Variants in CELF2 observed in about 807,000 individuals in gnomAD.
CELF2 encodes CUG triplet repeat RNA-binding protein 2.
In CELF2, 8 loss-of-function variants were observed where a neutral mutation model predicts 62.6. That is an observed-to-expected ratio of 0.13 (90% CI 0.07 to 0.23). CELF2 has a LOEUF of 0.23. CELF2 is among the 10% of genes least tolerant of loss of function. CELF2 has a pLI of 1.00. For missense variants in CELF2, 333 were observed against 671.0 expected, an observed-to-expected ratio of 0.50 and a Z score of 5.56; for synonymous variants, 258 against 250.0, an observed-to-expected ratio of 1.03 and a Z score of -0.30.
chr10:11,163,430 G>A (rs2066190076), intron 1 of CELF2, among the ~76,000 whole-genome samples: 1 of 152,174 alleles, frequency 6.6e-6, no homozygotes, highest in South Asian at 2.1e-4. Context: ...TGTACTGCAA[G>A]GGGCTCCACT....
Position 11,185,135 on chromosome 10 carries a change from C to T in CELF2, c.271+19453C>T, listed in dbSNP as rs979695046. ...TCTGAGTCTGTTGAGATGATCATAT[C>T]GGGTTTTTTGTCTGTTTGTAAATAT... On this transcript the variant is annotated intron_variant, in intron 2 of 12. Coordinates refer to ENST00000633077, the MANE Select transcript of CELF2 (RefSeq NM_001326342.2). Among the ~76,000 whole-genome samples, 28 of 151,808 alleles carry T rather than the reference C, an allele frequency of 1.8e-4. 1 individual carries two copies. The highest frequency in any genetic ancestry group is 1.6e-3 in the Admixed American group (25 of 15,240).
chr10:11,188,658 G>A (rs1395393072), intron 2 of CELF2, among the ~76,000 whole-genome samples: 1 of 151,906 alleles, frequency 6.6e-6, no homozygotes, highest in Non-Finnish European at 1.5e-5. Flanking sequence ...TGAGATTTTT[G>A]GACATGTGAG....
At chr10:10,992,509 G>A (rs540976365) in intron 2 of CELF2, among the ~76,000 whole-genome samples, 5 of 152,274 alleles carry the variant, frequency 3.3e-5, no homozygotes, top group East Asian at 3.9e-4. Flanking sequence ...TCATATGATC[G>A]AAGGAGGGCG....
chr10:10,511,594 C>A, the CELF2 span, among the ~76,000 whole-genome samples: 2 of 152,060 alleles, frequency 1.3e-5, no homozygotes, highest in East Asian at 3.9e-4. Flanking sequence ...ACCCTGGGAG[C>A]TTTTGTCTTG....
chr10:11,187,877 T>C (rs1369604678), intron 2 of CELF2, among the ~76,000 whole-genome samples: 2 of 152,228 alleles, frequency 1.3e-5, no homozygotes, highest in Admixed American at 6.5e-5. Flanking sequence ...TTTATAGATA[T>C]TTCCATCATA....
chr10:10,519,647 G>T, the CELF2 span, among the ~76,000 whole-genome samples: 1 of 152,188 alleles, frequency 6.6e-6, no homozygotes, highest in African/African-American at 2.4e-5. Context: ...ATTTCGGGTT[G>T]TTGTGTTTAT....
rs543007542 is a variant in CELF2, at chr10:11,071,329, T to C, written c.74+53166T>C. Among the ~76,000 whole-genome samples the C allele has an allele frequency of 3.5e-4, 54 of 152,294 alleles. No homozygotes were observed. The South Asian group carries it at 0.011, about 32-fold the overall frequency. ...CAACATGTCTTATCTTGGTTTACTC[T>C]TCACAACAACTATATGAGGTTGGTT... On this transcript the variant is annotated intron_variant, in intron 1 of 12. Coordinates refer to ENST00000633077, the MANE Select transcript of CELF2 (RefSeq NM_001326342.2).
At chr10:10,511,577 A>G in the CELF2 span, among the ~76,000 whole-genome samples, 1 of 152,206 alleles carries the variant, frequency 6.6e-6, no homozygotes, top group Non-Finnish European at 1.5e-5. Context: ...AAATAAACTC[A>G]GCAGAGACCC....
rs938785363 is a variant in CELF2, at chr10:11,061,563, G to A, written c.74+43400G>A. ...AAGGTAAATGAAACAGCCTGCTATT[G>A]GAAGATGCCATCTAGAAGTTTCGTA... is the stretch of plus-strand genomic sequence containing the variant. On this transcript the variant is annotated intron_variant, in intron 1 of 12. Coordinates refer to ENST00000633077, the MANE Select transcript of CELF2 (RefSeq NM_001326342.2). Among the ~76,000 whole-genome samples the A allele has an allele frequency of 3.9e-5, 6 of 152,334 alleles. No individual in the cohort carries two copies. The East Asian group carries it at 1.2e-3, about 29-fold the overall frequency.
chr10:11,150,851 C>T (rs917903763), intron 1 of CELF2, among the ~76,000 whole-genome samples: 2 of 152,206 alleles, frequency 1.3e-5, no homozygotes, highest in African/African-American at 4.8e-5. Context: ...CAGTCTAGAC[C>T]TGTCATTTTA....
the CELF2 span, among the ~76,000 whole-genome samples, chr10:10,771,885 CA>C: frequency 6.6e-6 from 1 of 152,186 alleles, no homozygotes; most frequent in East Asian, 1.9e-4. Context: ...CTATCAGAGG[CA>C]ACAACACAGA....
At chr10:10,765,973 G>C in the CELF2 span, among the ~76,000 whole-genome samples, 1 of 152,204 alleles carries the variant, frequency 6.6e-6, no homozygotes, top group Non-Finnish European at 1.5e-5. Flanking sequence ...CACCCTCCCA[G>C]CTCCTCAGGA....
intron 2 of CELF2, among the ~76,000 whole-genome samples, chr10:11,196,183 G>A (rs1418978587): frequency 1.3e-5 from 2 of 152,118 alleles, no homozygotes; most frequent in Non-Finnish European, 2.9e-5. Flanking sequence ...TAGACCAGTC[G>A]TCCCACAGTA....
the CELF2 span, among the ~76,000 whole-genome samples, chr10:10,556,627 G>A: frequency 6.6e-6 from 1 of 152,068 alleles, no homozygotes; most frequent in East Asian, 1.9e-4. Context: ...CACAATGGTT[G>A]AACTAGTTTA....
chr10:11,194,016 C>A (rs1416189749), intron 2 of CELF2, among the ~76,000 whole-genome samples: 2 of 151,956 alleles, frequency 1.3e-5, no homozygotes, highest in Non-Finnish European at 1.5e-5. Flanking sequence ...CATTTTGGTG[C>A]GTTTCATGTT....
the CELF2 span, among the ~76,000 whole-genome samples, chr10:10,787,156 A>G: frequency 6.6e-6 from 1 of 151,872 alleles, no homozygotes; most frequent in Admixed American, 6.6e-5. Context: ...TCATTGAAAC[A>G]TTGTCAACCA....
intron 1 of CELF2, among the ~76,000 whole-genome samples, chr10:10,919,493 T>A (rs1021643131): frequency 2.0e-5 from 3 of 152,230 alleles, no homozygotes; most frequent in African/African-American, 7.2e-5. Context: ...CTAAAAGAAT[T>A]CCATTTTGTG....
upstream of CELF2, chr10:11,005,068 A>G: frequency 3.0e-6 from 3 of 985,392 alleles, no homozygotes; most frequent in Non-Finnish European, 3.6e-6. This position sits in a 1 kb window ranked among gnomAD's most constrained non-coding sequence, Gnocchi z 4.3. Flanking sequence ...AGGAGAAGTA[A>G]TACCAGCCAG....
At chr10:10,729,836 G>C in the CELF2 span, among the ~76,000 whole-genome samples, 1 of 151,848 alleles carries the variant, frequency 6.6e-6, no homozygotes, top group Admixed American at 6.6e-5. Context: ...ACTGTAACTT[G>C]TACAACAAAA....
Sources: allele counts gnomAD v4.1 joint callset (sites outside exome capture counted in the v4.1 genomes callset), GRCh38; gene constraint gnomAD v4.1.1; non-coding constraint Gnocchi (gnomAD v3.1); transcripts MANE v1.5; gene names NCBI Gene and HGNC (gene_info 2026-07-23, HGNC 2026-07-21).